Variants in GPBP1 observed in about 807,000 individuals in gnomAD.
GPBP1 encodes the protein GC-rich promoter binding protein 1.
GPBP1 carries 13 observed loss-of-function variants against 56.5 expected under a neutral mutation model. That is an observed-to-expected ratio of 0.23 (90% CI 0.15 to 0.37). The LOEUF is 0.37. Among genes scored for constraint, GPBP1 ranks in the 10% least tolerant of loss-of-function variants. GPBP1 has a pLI of 1.00. For synonymous variants in GPBP1, 204 were observed against 188.9 expected (o/e 1.08, Z -0.66); for missense variants, 477 against 572.3 (o/e 0.83, Z 1.70).
chr5:57,217,582 AACAAAAAAC>A (rs375873948), intron 3 of GPBP1, among the ~76,000 whole-genome samples: 32 of 152,206 alleles, frequency 2.1e-4, no homozygotes, highest in East Asian at 5.8e-4. Context: ...AAAACAAACA[AACAAAAAAC>A]ACAAAAAAAC....
intron 10 of GPBP1, among the ~76,000 whole-genome samples, chr5:57,260,244 ATTT>A (rs1374567161): frequency 1.3e-5 from 2 of 152,064 alleles, no homozygotes; most frequent in Non-Finnish European, 2.9e-5. Flanking sequence ...AACAAGATTA[ATTT>A]TTTCCTTGTC....
rs1358346861 is a variant in GPBP1, at chr5:57,219,408, AAACAAACAAAC to A, written c.63+5218_63+5228del. On this transcript the variant is annotated intron_variant, in intron 3 of 11. Transcript: ENST00000506184. ...AAAAAAAAAAAAAAAAAAAAACCAA[AAACAAACAAAC>A]AAAAAAAAAAACAACAAAACCACAC... Among the ~76,000 whole-genome samples the A allele has an allele frequency of 1.4e-3, 84 of 59,740 alleles. 3 individuals are homozygous for A. The East Asian group carries it at 0.072, about 51-fold the overall frequency. The allele number at this position is 59,740 out of a possible 152,430, so 39.2% of individuals were successfully genotyped here. A position where few individuals can be genotyped will look rare whatever the true frequency, so the allele number is the denominator to read the frequency against.
At chr5:57,178,814 C>T (rs145373944) in intron 2 of GPBP1, among the ~76,000 whole-genome samples, 1 of 152,302 alleles carries the variant, frequency 6.6e-6, no homozygotes, top group East Asian at 1.9e-4. Context: ...TGCTTTTCCC[C>T]AGAAGTTAAC....
intron 3 of GPBP1, among the ~76,000 whole-genome samples, chr5:57,225,435 A>G (rs1443005941): frequency 6.9e-6 from 1 of 145,670 alleles, no homozygotes; most frequent in Non-Finnish European, 1.5e-5. Flanking sequence ...CGGAGCTTGC[A>G]GTGAGCCAAG....
chr5:57,235,605 G>A (rs1474437830), intron 5 of GPBP1, among the ~76,000 whole-genome samples: 2 of 152,144 alleles, frequency 1.3e-5, no homozygotes, highest in African/African-American at 2.4e-5. Context: ...TTAATGGTTA[G>A]CAAAGTAAGC....
In GPBP1 at chr5:57,249,372, G is replaced by C. The variant is rs371530252; in HGVS notation, c.805-37G>C. ...ATTTTATGTTGACATTGATTCCTTG[G>C]CTACATATTTATCAGTATTTCTGAA... On this transcript the variant is annotated intron_variant, in intron 8 of 11. Coordinates refer to ENST00000506184, the MANE Select transcript of GPBP1 (RefSeq NM_022913.4). 2.4e-5 allele frequency: 36 copies of C among 1,489,988 alleles called. No homozygotes were observed. In the African/African-American group the frequency reaches 3.5e-4, roughly 15 times the overall value. The allele number at this position is 1,489,988 out of a possible 1,614,324, so 92.3% of individuals were successfully genotyped here. A position where few individuals can be genotyped will look rare whatever the true frequency, so the allele number is the denominator to read the frequency against.
chr5:57,180,215 A>G (rs567832199), intron 2 of GPBP1, among the ~76,000 whole-genome samples: 2 of 152,304 alleles, frequency 1.3e-5, no homozygotes, highest in East Asian at 1.9e-4. Flanking sequence ...CCCGGGTTCA[A>G]GTGATTCTTA....
At chr5:57,193,613 CAAAAAAAAAAA>C (rs1194542329) in intron 2 of GPBP1, among the ~76,000 whole-genome samples, 1 of 61,514 alleles carries the variant, frequency 1.6e-5, no homozygotes, top group Non-Finnish European at 3.5e-5. Flanking sequence ...GACCCTGTCT[CAAAAAAAAAAA>C]AAAAAAAAAA....
intron 7 of GPBP1, among the ~76,000 whole-genome samples, chr5:57,246,782 G>C (rs1479683319): frequency 1.3e-5 from 2 of 151,986 alleles, no homozygotes; most frequent in Non-Finnish European, 2.9e-5. Flanking sequence ...CTGGTGCTCA[G>C]TTTTAGGTTT....
At chr5:57,251,659 T>G (rs939004987) in intron 10 of GPBP1, among the ~76,000 whole-genome samples, 7 of 151,966 alleles carry the variant, frequency 4.6e-5, no homozygotes, top group Admixed American at 2.0e-4. Context: ...CATTCATATA[T>G]AAGTTCTTGT....
intron 10 of GPBP1, among the ~76,000 whole-genome samples, chr5:57,258,493 A>G (rs182574549): frequency 6.6e-6 from 1 of 152,252 alleles, no homozygotes; most frequent in African/African-American, 2.4e-5. Context: ...ATATCTAAGC[A>G]TATCTAAACA....
intron 8 of GPBP1, 50 bp downstream of exon 8, chr5:57,247,265 A>G (rs1741137647): frequency 1.4e-6 from 2 of 1,412,176 alleles, no homozygotes; most frequent in Non-Finnish European, 1.9e-6. Context: ...TAATTATGAT[A>G]GTTTAACAGT....
intron 2 of GPBP1, among the ~76,000 whole-genome samples, chr5:57,210,484 T>C (rs1755428768): frequency 6.6e-6 from 1 of 152,202 alleles, no homozygotes; most frequent in Admixed American, 6.6e-5. Context: ...AGAAGATTTC[T>C]AATAAGCTGT....
Position 57,254,235 on chromosome 5 carries a change from G to A in GPBP1, c.1160+3094G>A, listed in dbSNP as rs565613803. ...TGCCCAGCCCTTCCCCACGCCCCTC[G>A]CTTTTTTTCCCTTAGATTGCTCCTT... is the stretch of plus-strand genomic sequence containing the variant. On this transcript the variant is annotated intron_variant, in intron 10 of 11. Transcript: ENST00000506184. Among the ~76,000 whole-genome samples, 16 of 152,016 alleles carry A rather than the reference G, an allele frequency of 1.1e-4. 1 individual carries two copies. In the South Asian group the frequency reaches 1.9e-3, roughly 18 times the overall value.
chr5:57,179,340 G>A (rs1753936197), intron 2 of GPBP1, among the ~76,000 whole-genome samples: 1 of 151,246 alleles, frequency 6.6e-6, no homozygotes, highest in Non-Finnish European at 1.5e-5. Context: ...CCTTTGGTTA[G>A]CTAAAATTGT....
intron 6 of GPBP1, chr5:57,237,316 G>A (rs369572046): frequency 7.5e-6 from 5 of 665,348 alleles, no homozygotes; most frequent in Admixed American, 2.4e-5. Context: ...AATCAAGAAT[G>A]CCAGTGAGCG....
chr5:57,196,258 TC>T (rs1754745538), intron 2 of GPBP1, among the ~76,000 whole-genome samples: 1 of 152,104 alleles, frequency 6.6e-6, no homozygotes, highest in Non-Finnish European at 1.5e-5. Context: ...TGTCTTAACT[TC>T]CCCAGAAGTG....
intron 3 of GPBP1, among the ~76,000 whole-genome samples, chr5:57,224,844 A>G (rs553769511): frequency 6.6e-6 from 1 of 151,854 alleles, no homozygotes; most frequent in East Asian, 1.9e-4. Context: ...AAATAATTCT[A>G]ACTTATTAGA....
intron 2 of GPBP1, among the ~76,000 whole-genome samples, chr5:57,180,658 G>T (rs1754002516): frequency 6.6e-6 from 1 of 152,096 alleles, no homozygotes; most frequent in Non-Finnish European, 1.5e-5. Flanking sequence ...ACTTTTTTTG[G>T]CCTTAGTTTC....
Sources: gnomAD v4.1 joint callset for allele counts (sites outside exome capture counted in the v4.1 genomes callset) on GRCh38, gnomAD v4.1.1 for gene constraint, MANE v1.5 for transcripts, NCBI Gene and HGNC (gene_info 2026-07-23, HGNC 2026-07-21) for gene names.